The following KCNMB2 variants were observed in gnomAD, a reference collection of about 807,000 sequenced individuals.
KCNMB2 encodes the protein calcium-activated potassium channel subunit beta-2.
In KCNMB2, 9 loss-of-function variants were observed where a neutral mutation model predicts 24.5. That is an observed-to-expected ratio of 0.37 (90% CI 0.22 to 0.64). The LOEUF (loss-of-function observed/expected upper bound fraction) is 0.64. KCNMB2 is among the 30% of genes least tolerant of loss of function. The pLI is 0.63. For missense variants in KCNMB2, 226 were observed against 284.3 expected (o/e 0.79, Z 1.47); for synonymous variants, 109 against 104.4 (o/e 1.04, Z -0.27).
At chr3:178,616,098 C>T (rs1038924467) in intron 1 of KCNMB2, among the ~76,000 whole-genome samples, 6 of 152,032 alleles carry the variant, frequency 3.9e-5, no homozygotes, top group African/African-American at 1.2e-4. Context: ...GAAAGAAGGG[C>T]TCTCTTTTGG....
chr3:178,628,177 C>A lies in KCNMB2; in HGVS notation c.-68+91466C>A, dbSNP rs567132843. Among the ~76,000 whole-genome samples, 74 of 152,186 alleles carry A rather than the reference C, an allele frequency of 4.9e-4. 1 individual carries two copies. Among genetic ancestry groups the A allele is most frequent in the African/African-American group, 1.7e-3 (70 of 41,544 alleles). Reference sequence around the variant, plus strand: ...TCTCATACAGTAACTCTCCCTAAGCCCCTCTCCCTTCTTGTCAACATCCAT... The same window carrying A: ...TCTCATACAGTAACTCTCCCTAAGCACCTCTCCCTTCTTGTCAACATCCAT... On this transcript the variant is annotated intron_variant, in intron 1 of 4. Coordinates refer to ENST00000452583, the MANE Select transcript of KCNMB2 (RefSeq NM_181361.3).
chr3:178,682,514 T>A (rs1259484367), intron 1 of KCNMB2, among the ~76,000 whole-genome samples: 1 of 152,170 alleles, frequency 6.6e-6, no homozygotes, highest in Non-Finnish European at 1.5e-5. Flanking sequence ...CAATAGAAAT[T>A]TGATGCATGC....
chr3:178,622,290 A>T (rs1205749019), intron 1 of KCNMB2, among the ~76,000 whole-genome samples: 1 of 152,196 alleles, frequency 6.6e-6, no homozygotes, highest in African/African-American at 2.4e-5. Context: ...TAAATATTTG[A>T]ATTAATGAAT....
intron 1 of KCNMB2, among the ~76,000 whole-genome samples, chr3:178,709,052 T>C (rs1011658049): frequency 3.3e-5 from 5 of 152,186 alleles, no homozygotes; most frequent in Admixed American, 1.3e-4. Flanking sequence ...AATAGCAGTG[T>C]ACTAGTTCTA....
chr3:178,543,383 CTCTG>C (rs1424954337), intron 1 of KCNMB2, among the ~76,000 whole-genome samples: 2 of 152,330 alleles, frequency 1.3e-5, no homozygotes, highest in South Asian at 2.1e-4. Flanking sequence ...AGTGTCTTCA[CTCTG>C]TCTGTGGCTG....
intron 1 of KCNMB2, among the ~76,000 whole-genome samples, chr3:178,569,378 G>A (rs976438117): frequency 1.7e-4 from 26 of 152,156 alleles, no homozygotes; most frequent in Admixed American, 2.6e-4. Flanking sequence ...AACCACATCT[G>A]CGGTGTAGAG....
intron 1 of KCNMB2, among the ~76,000 whole-genome samples, chr3:178,647,426 C>A (rs1719958188): frequency 6.6e-6 from 1 of 152,112 alleles, no homozygotes; most frequent in South Asian, 2.1e-4. Context: ...TTAGCAATGT[C>A]TTGTGATTAC....
At chr3:178,615,927 G>A (rs1319895361) in intron 1 of KCNMB2, among the ~76,000 whole-genome samples, 1 of 152,088 alleles carries the variant, frequency 6.6e-6, no homozygotes, top group Non-Finnish European at 1.5e-5. Context: ...CAAGGCAGTG[G>A]GTTCTCTTCT....
intron 2 of KCNMB2, among the ~76,000 whole-genome samples, chr3:178,817,154 A>T (rs1412636800): frequency 6.7e-6 from 1 of 149,886 alleles, no homozygotes; most frequent in East Asian, 2.0e-4. Context: ...GGGAAGTCCC[A>T]TGAATTAATA....
At chr3:178,584,554 C>G (rs1232182692) in intron 1 of KCNMB2, among the ~76,000 whole-genome samples, 2 of 152,056 alleles carry the variant, frequency 1.3e-5, no homozygotes, top group Non-Finnish European at 2.9e-5. Flanking sequence ...ATGCTAAGTG[C>G]TTTGTTCATT....
intron 4 of KCNMB2, among the ~76,000 whole-genome samples, chr3:178,829,198 C>T (rs1034264745): frequency 1.3e-5 from 2 of 152,044 alleles, no homozygotes; most frequent in Non-Finnish European, 2.9e-5. Flanking sequence ...ATTCGATATG[C>T]AGAATAATCT....
chr3:178,786,813 TA>T (rs200944283), intron 1 of KCNMB2, among the ~76,000 whole-genome samples: 21,169 of 142,284 alleles, frequency 0.15, 1,817 homozygotes, highest in Non-Finnish European at 0.19. Flanking sequence ...AGCCAAAAAA[TA>T]AAAAAACCTA....
chr3:178,802,643 C>T (rs1289961578), intron 1 of KCNMB2, among the ~76,000 whole-genome samples: 1 of 152,112 alleles, frequency 6.6e-6, no homozygotes, highest in Admixed American at 6.5e-5. Flanking sequence ...TACATTAATG[C>T]CAGAGGCCCA....
intron 1 of KCNMB2, among the ~76,000 whole-genome samples, chr3:178,548,373 A>T (rs1378279706): frequency 2.6e-5 from 4 of 152,166 alleles, no homozygotes; most frequent in Non-Finnish European, 5.9e-5. Flanking sequence ...CCCTCATCAC[A>T]GCCATTGGCT....
intron 1 of KCNMB2, among the ~76,000 whole-genome samples, chr3:178,754,161 T>TATATATATAG (rs1553773725): frequency 1.3e-5 from 1 of 77,732 alleles, no homozygotes; most frequent in Admixed American, 1.2e-4. Context: ...TATATATATA[T>TATATATATAG]ATATATATAT....
At position 178,624,587 on chromosome 3, in the gene KCNMB2, T is replaced by C. The variant is rs1719037175; in HGVS notation, c.-68+87876T>C. 4.0e-5 allele frequency among the ~76,000 whole-genome samples: 3 copies of C among 75,354 alleles called. No homozygotes were observed. In the South Asian group the frequency reaches 1.3e-3, roughly 32 times the overall value. 49.4% of individuals were successfully genotyped at this position (75,354 alleles called of 152,430 possible). On this transcript the variant is annotated intron_variant, in intron 1 of 4. Coordinates refer to ENST00000452583, the MANE Select transcript of KCNMB2 (RefSeq NM_181361.3). ...AGATTCAGTAGCTTTCTATTTTTTCTTTTTTTCTTTCTTTTTTTTTTTTTT... is the reference window on the plus strand; with the variant it reads ...AGATTCAGTAGCTTTCTATTTTTTCCTTTTTTCTTTCTTTTTTTTTTTTTT...
intron 1 of KCNMB2, among the ~76,000 whole-genome samples, chr3:178,678,053 C>T (rs1721131201): frequency 6.6e-6 from 1 of 152,184 alleles, no homozygotes; most frequent in East Asian, 1.9e-4. Context: ...ACTAGTTCAT[C>T]ACCAGTGGTC....
intron 1 of KCNMB2, among the ~76,000 whole-genome samples, chr3:178,598,046 AC>A (rs1330778301): frequency 6.0e-5 from 9 of 148,936 alleles, no homozygotes; most frequent in East Asian, 1.9e-4. Context: ...GGACAAAAAA[AC>A]AAAACAAAAA....
At position 178,537,032 on chromosome 3, in the gene KCNMB2, T is replaced by C. The variant is rs1715432902; in HGVS notation, c.-68+321T>C. Among the ~76,000 whole-genome samples the C allele has an allele frequency of 2.6e-5, 4 of 152,160 alleles. No individual in the cohort carries two copies. The South Asian group carries it at 8.3e-4, about 32-fold the overall frequency. On this transcript the variant is annotated intron_variant, in intron 1 of 4. Transcript: ENST00000452583. ...TTACCTGTGGTGCCGGCTGGGCTAC[T>C]GTACTGGTAGGGTCGAGTGAAGACT...
Sources: allele counts gnomAD v4.1 joint callset (sites outside exome capture counted in the v4.1 genomes callset), GRCh38; gene constraint gnomAD v4.1.1; transcripts MANE v1.5; gene names NCBI Gene and HGNC (gene_info 2026-07-23, HGNC 2026-07-21).